The following SORCS2 variants were observed in gnomAD, a reference collection of about 807,000 sequenced individuals.
SORCS2 encodes sortilin related VPS10 domain containing receptor 2, also known as VPS10 domain-containing receptor SorCS2.
A neutral mutation model predicts 141.6 loss-of-function variants in SORCS2; 100 were observed. The observed-to-expected ratio is 0.71, with a 90% CI of 0.60 to 0.83. The LOEUF is 0.83. Among genes scored for constraint, SORCS2 ranks in the 40% least tolerant of loss-of-function variants. The pLI is 0.00. For synonymous variants in SORCS2, 789 were observed against 676.9 expected (o/e 1.17, Z -2.57); for missense variants, 1,646 against 1,560.2 (o/e 1.05, Z -0.93).
chr4:7,710,512 TTTC>T (rs1424378928), intron 14 of SORCS2, among the ~76,000 whole-genome samples: 8 of 152,178 alleles, frequency 5.3e-5, no homozygotes, highest in Non-Finnish European at 1.0e-4. Context: ...TAAAAAATCA[TTTC>T]TTAAGTGAGA....
intron 5 of SORCS2, 34 bp downstream of exon 5, chr4:7,654,241 C>G (rs762924587): frequency 6.5e-7 from 1 of 1,550,050 alleles, no homozygotes; most frequent in South Asian, 1.2e-5. Context: ...ACCCATGGGG[C>G]CCGCAGCTCT....
chr4:7,608,813 A>G (rs16840617), intron 3 of SORCS2, among the ~76,000 whole-genome samples: 46,031 of 151,820 alleles, frequency 0.3, 7,362 homozygotes, highest in Middle Eastern at 0.34. Flanking sequence ...TTTGCCGAGC[A>G]TCTGATCTGT....
intron 1 of SORCS2, among the ~76,000 whole-genome samples, chr4:7,238,492 C>T (rs536890215): frequency 6.6e-6 from 1 of 152,196 alleles, no homozygotes; most frequent in African/African-American, 2.4e-5. Context: ...TCACTGGTCA[C>T]TGGGTGGCGC....
intron 1 of SORCS2, among the ~76,000 whole-genome samples, chr4:7,376,698 T>C (rs552051767): frequency 1.2e-4 from 19 of 152,268 alleles, no homozygotes; most frequent in Non-Finnish European, 2.5e-4. Flanking sequence ...TACATATGCA[T>C]GTCTTTGTGG....
intron 1 of SORCS2, among the ~76,000 whole-genome samples, chr4:7,279,471 A>G (rs1046675315): frequency 5.9e-5 from 9 of 152,220 alleles, no homozygotes; most frequent in Admixed American, 5.9e-4. Flanking sequence ...TGCTGTTACA[A>G]TAAATGCGGT....
intron 2 of SORCS2, among the ~76,000 whole-genome samples, chr4:7,491,042 CCTT>C (rs1731286733): frequency 6.6e-6 from 1 of 152,204 alleles, no homozygotes; most frequent in Non-Finnish European, 1.5e-5. Context: ...CTTCCTGAAA[CCTT>C]CTGCTCTTTT....
intron 2 of SORCS2, among the ~76,000 whole-genome samples, chr4:7,403,997 A>ATATATATATTT (rs1265288820): frequency 2.0e-3 from 37 of 18,872 alleles, no homozygotes; most frequent in East Asian, 9.0e-3. Context: ...ATATATATAT[A>ATATATATATTT]TTTTTTTTTT....
At chr4:7,294,607 A>G (rs1305582461) in intron 1 of SORCS2, among the ~76,000 whole-genome samples, 3 of 151,128 alleles carry the variant, frequency 2.0e-5, no homozygotes, top group Non-Finnish European at 4.4e-5. Context: ...GGGCCCAGCC[A>G]GTACTTGCCG....
intron 1 of SORCS2, among the ~76,000 whole-genome samples, chr4:7,366,374 G>T (rs75399718): frequency 0.092 from 13,924 of 151,770 alleles, 788 homozygotes; most frequent in East Asian, 0.17. Flanking sequence ...CCCTGCTCCC[G>T]GGCAGCCTGC....
chr4:7,679,402 C>T (rs952989617), intron 9 of SORCS2, among the ~76,000 whole-genome samples: 1 of 152,160 alleles, frequency 6.6e-6, no homozygotes, highest in South Asian at 2.1e-4. Context: ...ATACCCAGGC[C>T]CTGCAATGTG....
At chr4:7,216,945 CG>C (rs994808579) in intron 1 of SORCS2, among the ~76,000 whole-genome samples, 1 of 152,150 alleles carries the variant, frequency 6.6e-6, no homozygotes, top group African/African-American at 2.4e-5. Flanking sequence ...GTCCGCACTG[CG>C]TGGCGGTTCC....
chr4:7,608,809 G>A (rs553273312), intron 3 of SORCS2, among the ~76,000 whole-genome samples: 55 of 152,190 alleles, frequency 3.6e-4, no homozygotes, highest in Middle Eastern at 3.4e-3. Flanking sequence ...AGCATTTGCC[G>A]AGCATCTGAT....
At chr4:7,373,787 T>A (rs192617564) in intron 1 of SORCS2, among the ~76,000 whole-genome samples, 1 of 152,106 alleles carries the variant, frequency 6.6e-6, no homozygotes, top group East Asian at 1.9e-4. Flanking sequence ...CCACCACACC[T>A]GGCCCCTTTA....
intron 1 of SORCS2, among the ~76,000 whole-genome samples, chr4:7,316,021 C>A (rs952133521): frequency 6.6e-6 from 1 of 152,082 alleles, no homozygotes; most frequent in Non-Finnish European, 1.5e-5. Context: ...TTTCTATCCA[C>A]CCATTCATCC....
intron 2 of SORCS2, chr4:7,430,208 G>T (rs73796575): frequency 3.3e-5 from 5 of 151,712 alleles, no homozygotes; most frequent in South Asian, 2.1e-4. Flanking sequence ...CTGTCCCCAC[G>T]GACTGCTCTT....
chr4:7,400,171 C>T (rs1055940070), intron 2 of SORCS2, among the ~76,000 whole-genome samples: 1 of 151,928 alleles, frequency 6.6e-6, no homozygotes, highest in Non-Finnish European at 1.5e-5. Flanking sequence ...CATCCCCAGT[C>T]TCAGCTCCTC....
intron 2 of SORCS2, 124 bp downstream of exon 2, chr4:7,396,479 A>G: frequency 1.1e-6 from 1 of 924,642 alleles, no homozygotes; most frequent in Non-Finnish European, 1.6e-6. Context: ...TGGCCTCGCA[A>G]CTTTTCTTTG....
intron 19 of SORCS2, among the ~76,000 whole-genome samples, chr4:7,724,159 GGTGATGGTGGTGATGGTGATAGCA>G (rs1187940536): frequency 6.7e-6 from 1 of 149,636 alleles, no homozygotes; most frequent in Non-Finnish European, 1.5e-5. Context: ...TGGTGGTGGT[GGTGATGGTGGTGATGGTGATAGCA>G]GTACTGGTGG....
intron 1 of SORCS2, among the ~76,000 whole-genome samples, chr4:7,322,058 A>G (rs1049737171): frequency 6.6e-6 from 1 of 152,166 alleles, no homozygotes; most frequent in Admixed American, 6.5e-5. Flanking sequence ...CTCCTGAGCC[A>G]TGAGGCTCGT....
Sources: gnomAD v4.1 joint callset for allele counts (sites outside exome capture counted in the v4.1 genomes callset) on GRCh38, gnomAD v4.1.1 for gene constraint, MANE v1.5 for transcripts, NCBI Gene and HGNC (gene_info 2026-07-23, HGNC 2026-07-21) for gene names.